Variants in GRIP1 observed in about 807,000 individuals in gnomAD.
The protein encoded by GRIP1 is glutamate receptor-interacting protein 1.
Under a neutral mutation model 129.9 loss-of-function variants are expected in GRIP1, and 45 were observed. The observed-to-expected ratio is 0.35, with a 90% CI of 0.27 to 0.44. The LOEUF is 0.44. GRIP1 is among the 20% of genes least tolerant of loss of function. The pLI is 1.00. For synonymous variants in GRIP1, 530 were observed against 520.8 expected, an observed-to-expected ratio of 1.02 and a Z score of -0.24; for missense variants, 1,196 against 1,396.8, an observed-to-expected ratio of 0.86 and a Z score of 2.29.
intron 1 of GRIP1, among the ~76,000 whole-genome samples, chr12:66,620,264 C>T (rs2065210471): frequency 6.6e-6 from 1 of 152,138 alleles, no homozygotes; most frequent in Non-Finnish European, 1.5e-5. Flanking sequence ...TAGCTAGGGC[C>T]TAAAGGTATT....
At position 66,602,420 on chromosome 12, in the gene GRIP1, T is replaced by C. The variant is rs572693836; in HGVS notation, c.56-5493A>G. Among the ~76,000 whole-genome samples the C allele has an allele frequency of 3.9e-5, 6 of 152,340 alleles. No individual in the cohort carries two copies. In the South Asian group the frequency reaches 1.2e-3, roughly 32 times the overall value. On this transcript the variant is annotated intron_variant, in intron 1 of 24. Coordinates refer to ENST00000359742, the MANE Select transcript of GRIP1 (RefSeq NM_001366722.1). ...CGCATAATTTAAAGAAATTAAATTG[T>C]TCATAATTCCTGATCCAAATAACCC...
At chr12:66,949,535 A>G (rs2041722048) in intron 1 of GRIP1, among the ~76,000 whole-genome samples, 1 of 152,212 alleles carries the variant, frequency 6.6e-6, no homozygotes, top group Non-Finnish European at 1.5e-5. Context: ...GATGAATTAA[A>G]AAAGTATCTA....
intron 2 of GRIP1, among the ~76,000 whole-genome samples, chr12:66,565,047 C>T (rs1016015786): frequency 6.6e-6 from 1 of 152,172 alleles, no homozygotes; most frequent in African/African-American, 2.4e-5. Flanking sequence ...GGGTAGATTG[C>T]AAAAATTTTC....
chr12:66,541,350 G>A (rs1212201244), intron 3 of GRIP1, among the ~76,000 whole-genome samples: 2 of 152,194 alleles, frequency 1.3e-5, no homozygotes, highest in East Asian at 1.9e-4. Context: ...GAGGATGTGA[G>A]ATAAACAAAA....
chr12:66,893,158 C>G (rs563541408), intron 1 of GRIP1, among the ~76,000 whole-genome samples: 1 of 152,104 alleles, frequency 6.6e-6, no homozygotes, highest in African/African-American at 2.4e-5. Flanking sequence ...TGGAACCATA[C>G]AGTATAAAAC....
Position 66,401,598 on chromosome 12 carries a change from G to GTGTA in GRIP1, c.1984+4684_1984+4685insTACA, listed in dbSNP as rs71096098. Among the ~76,000 whole-genome samples, 76 of 66,272 alleles carry GTGTA rather than the reference G, an allele frequency of 1.1e-3. 2 individuals are homozygous for GTGTA. Among genetic ancestry groups the GTGTA allele is most frequent in the South Asian group, 1.9e-3 (3 of 1,564 alleles). The allele number at this position is 66,272 out of a possible 152,430, so 43.5% of individuals were successfully genotyped here. The stretch of plus-strand genomic sequence containing the variant: ...CCGTCTCAAAAAAAAAAATATGTGT[G>GTGTA]TATATATATATACACACACACACAC... On this transcript the variant is annotated intron_variant, in intron 16 of 24. Coordinates refer to ENST00000359742, the MANE Select transcript of GRIP1 (RefSeq NM_001366722.1).
chr12:66,807,926 T>C (rs1316643590), upstream of GRIP1, among the ~76,000 whole-genome samples: 1 of 147,492 alleles, frequency 6.8e-6, no homozygotes, highest in South Asian at 2.2e-4. Context: ...TGCACTAAAA[T>C]GATCCATGTT....
intron 23 of GRIP1, among the ~76,000 whole-genome samples, chr12:66,364,265 C>CAAAAAAA (rs1159887365): frequency 1.2e-3 from 19 of 16,322 alleles, no homozygotes; most frequent in South Asian, 3.7e-3. Flanking sequence ...GACTCCATCT[C>CAAAAAAA]AAAAAAAAAA....
At chr12:67,028,170 C>T (rs974811110) in intron 1 of GRIP1, among the ~76,000 whole-genome samples, 1 of 152,190 alleles carries the variant, frequency 6.6e-6, no homozygotes, top group African/African-American at 2.4e-5. Context: ...CAAAATTCCC[C>T]TCACTTTCAG....
intron 4 of GRIP1, among the ~76,000 whole-genome samples, chr12:66,530,334 A>G (rs2061400091): frequency 6.6e-6 from 1 of 152,196 alleles, no homozygotes; most frequent in Non-Finnish European, 1.5e-5. Context: ...TGCAGCTGGC[A>G]CAGGAAGAAA....
intron 1 of GRIP1, among the ~76,000 whole-genome samples, chr12:66,716,480 C>T (rs1381327672): frequency 6.7e-6 from 1 of 150,032 alleles, no homozygotes; most frequent in African/African-American, 2.4e-5. Flanking sequence ...AAAACTGTTA[C>T]TTTAGGTTTC....
chr12:66,745,889 G>A (rs1031592464), intron 1 of GRIP1, among the ~76,000 whole-genome samples: 13 of 152,218 alleles, frequency 8.5e-5, no homozygotes, highest in Non-Finnish European at 1.6e-4. Context: ...GGTCACTGAA[G>A]TGCAGGGCCC....
chr12:66,869,307 A>C (rs938409816), intron 1 of GRIP1, among the ~76,000 whole-genome samples: 2 of 151,974 alleles, frequency 1.3e-5, no homozygotes, highest in African/African-American at 4.8e-5. Flanking sequence ...ATACTGCTTC[A>C]CTCATCTACT....
At chr12:67,068,990 C>A (rs1281322846) in intron 1 of GRIP1, 6 of 801,574 alleles carry the variant, frequency 7.5e-6, no homozygotes, top group Non-Finnish European at 9.1e-6. Flanking sequence ...GAGAGGGAGG[C>A]ACCGGGCGGC....
At chr12:66,575,733 G>A (rs2063118096) in intron 2 of GRIP1, among the ~76,000 whole-genome samples, 1 of 152,156 alleles carries the variant, frequency 6.6e-6, no homozygotes, top group South Asian at 2.1e-4. Context: ...ACATAGGCAA[G>A]AAGTCTCTGC....
At chr12:66,755,815 G>A (rs2037270623) in intron 1 of GRIP1, among the ~76,000 whole-genome samples, 1 of 152,196 alleles carries the variant, frequency 6.6e-6, no homozygotes, top group Admixed American at 6.5e-5. Context: ...TGGGGAGAGA[G>A]CAGGGCAGAT....
At chr12:66,407,093 T>C (rs1330100080) in intron 15 of GRIP1, among the ~76,000 whole-genome samples, 1 of 152,216 alleles carries the variant, frequency 6.6e-6, no homozygotes, top group East Asian at 1.9e-4. Flanking sequence ...TATATGTATA[T>C]ATACACAGAT....
At chr12:67,017,575 C>A (rs117819266) in intron 1 of GRIP1, among the ~76,000 whole-genome samples, 2,748 of 152,138 alleles carry the variant, frequency 0.018, 30 homozygotes, top group Non-Finnish European at 0.028. Context: ...GCATGCTGTT[C>A]TACCAATCAA....
intron 7 of GRIP1, among the ~76,000 whole-genome samples, chr12:66,502,804 T>G (rs527919057): frequency 6.6e-6 from 1 of 152,292 alleles, no homozygotes; most frequent in East Asian, 1.9e-4. Flanking sequence ...ATTAAACCAC[T>G]CTTCTTTATA....
Sources: allele counts gnomAD v4.1 joint callset (sites outside exome capture counted in the v4.1 genomes callset), GRCh38; gene constraint gnomAD v4.1.1; transcripts MANE v1.5; gene names NCBI Gene and HGNC (gene_info 2026-07-23, HGNC 2026-07-21).